LRRC49: variants seen among roughly 807,000 people sequenced by gnomAD.
LRRC49 encodes leucine rich repeat containing 49, also known as leucine-rich repeat-containing protein 49.
A neutral mutation model predicts 83.3 loss-of-function variants in LRRC49; 50 were observed. The ratio of observed to expected loss-of-function variants is 0.60; its 90% CI spans 0.48 to 0.76. The LOEUF is 0.76. Among genes scored for constraint, LRRC49 ranks in the 30% least tolerant of loss-of-function variants. LRRC49 has a pLI of 0.00. For missense variants in LRRC49, 704 were observed against 809.1 expected, an observed-to-expected ratio of 0.87 and a Z score of 1.58; for synonymous variants, 286 against 283.3, an observed-to-expected ratio of 1.01 and a Z score of -0.10.
chr15:70,946,497 A>G (rs11072236), intron 8 of LRRC49, among the ~76,000 whole-genome samples: 151,914 of 152,294 alleles, frequency 1, 75,767 homozygotes, highest in Non-Finnish European at 1. Flanking sequence ...CATTATTTAA[A>G]GATGCTTAGG....
chr15:71,019,284 C>A (rs1246274793), intron 14 of LRRC49, among the ~76,000 whole-genome samples: 1 of 152,168 alleles, frequency 6.6e-6, no homozygotes, highest in Non-Finnish European at 1.5e-5. Context: ...CATCCTGAAG[C>A]TATCTGGCTC....
At chr15:70,900,563 T>C (rs1329542252) in intron 3 of LRRC49, 13 of 457,624 alleles carry the variant, frequency 2.8e-5, no homozygotes, top group Non-Finnish European at 4.4e-5. Flanking sequence ...GCTGTCATAG[T>C]GCTGGCCCAA....
At chr15:71,041,633 A>G (rs535201780) in intron 15 of LRRC49, among the ~76,000 whole-genome samples, 7 of 152,320 alleles carry the variant, frequency 4.6e-5, no homozygotes, top group African/African-American at 1.7e-4. Flanking sequence ...AAATGGAAAA[A>G]CATGCCATGT....
chr15:70,895,805 T>TTAACA, intron 2 of LRRC49, 44 bp from the exon 3 acceptor site: 1 of 1,237,422 alleles, frequency 8.1e-7, no homozygotes, highest in Non-Finnish European at 1.2e-6. Flanking sequence ...TGCTTGGTGT[T>TTAACA]AAATTTGTCT....
intron 2 of LRRC49, chr15:70,882,758 T>A (rs1595978908): frequency 2.5e-6 from 4 of 1,614,120 alleles, no homozygotes; most frequent in East Asian, 2.2e-5. Flanking sequence ...AGTCAAAACA[T>A]ACCCACACTA....
At chr15:70,940,932 A>C (rs866988272) in intron 8 of LRRC49, among the ~76,000 whole-genome samples, 1 of 152,008 alleles carries the variant, frequency 6.6e-6, no homozygotes, top group South Asian at 2.1e-4. Context: ...TCGCCTTCAG[A>C]CAAACATTTA....
intron 10 of LRRC49, among the ~76,000 whole-genome samples, chr15:70,982,130 T>C (rs1005414619): frequency 2.0e-5 from 3 of 152,146 alleles, no homozygotes; most frequent in African/African-American, 7.2e-5. Context: ...ACGTTTGCAT[T>C]TTCAAAGATT....
intron 11 of LRRC49, among the ~76,000 whole-genome samples, chr15:71,007,251 A>G (rs1163046778): frequency 6.6e-6 from 1 of 152,032 alleles, no homozygotes; most frequent in Non-Finnish European, 1.5e-5. Context: ...AAGATATTTA[A>G]TAATTCATTC....
In LRRC49 at chr15:71,038,367, A is replaced by G. The variant is rs947809643; in HGVS notation, c.1857+1035A>G. On this transcript the variant is annotated intron_variant, in intron 15 of 15. Transcript: ENST00000260382. ...ACCTCTTTATTCAAACCACCGTATT[A>G]TAGCTGAAAACCCAGTGTATCAGAA... 5.3e-5 allele frequency among the ~76,000 whole-genome samples: 8 copies of G among 152,256 alleles called. No homozygotes were observed. The East Asian group carries it at 1.5e-3, about 29-fold the overall frequency.
At chr15:70,869,746 C>A (rs1262879253) in intron 1 of LRRC49, among the ~76,000 whole-genome samples, 1 of 152,056 alleles carries the variant, frequency 6.6e-6, no homozygotes, top group Non-Finnish European at 1.5e-5. Flanking sequence ...ACTGTAATAC[C>A]CTTGTCCCTG....
chr15:70,986,556 G>A (rs576830076), intron 11 of LRRC49, among the ~76,000 whole-genome samples: 1 of 152,284 alleles, frequency 6.6e-6, no homozygotes, highest in African/African-American at 2.4e-5. Context: ...GGGTTTTCTA[G>A]ATATACAATC....
intron 6 of LRRC49, among the ~76,000 whole-genome samples, chr15:70,918,009 C>G (rs535347637): frequency 6.6e-6 from 1 of 152,376 alleles, no homozygotes; most frequent in East Asian, 1.9e-4. Context: ...CTTTGGGACC[C>G]TGCGGTTCCT....
intron 15 of LRRC49, among the ~76,000 whole-genome samples, chr15:71,042,106 G>T (rs2039713903): frequency 6.6e-6 from 1 of 152,146 alleles, no homozygotes; most frequent in African/African-American, 2.4e-5. Context: ...TAACACCATA[G>T]ATGCACAAAC....
intron 2 of LRRC49, among the ~76,000 whole-genome samples, chr15:70,878,099 G>C (rs2033189826): frequency 6.6e-6 from 1 of 152,214 alleles, no homozygotes; most frequent in East Asian, 1.9e-4. Context: ...CAACAAGCCA[G>C]GATCACGCCA....
intron 11 of LRRC49, among the ~76,000 whole-genome samples, chr15:70,984,951 A>T (rs1415302057): frequency 6.7e-6 from 1 of 148,618 alleles, no homozygotes; most frequent in East Asian, 2.0e-4. Flanking sequence ...CCTACAAAGG[A>T]CATGAACTCA....
chr15:71,003,348 T>C (rs988981388), intron 11 of LRRC49, among the ~76,000 whole-genome samples: 62 of 152,216 alleles, frequency 4.1e-4, no homozygotes, highest in African/African-American at 1.5e-3. Context: ...CCTGCTGTTA[T>C]ATAATTAATA....
At chr15:70,857,900 G>A (rs1302180036) in intron 1 of LRRC49, among the ~76,000 whole-genome samples, 4 of 152,174 alleles carry the variant, frequency 2.6e-5, no homozygotes, top group Non-Finnish European at 4.4e-5. Flanking sequence ...CTGCTGTTCA[G>A]TTTTCTTACC....
rs557846542 is a variant in LRRC49, at chr15:70,946,550, C to T, written c.773+9728C>T. ...TTATTGTGAATAATGCTGCAATGAA[C>T]ATGGGAGTACAGATACGTTTTCAAC... On this transcript the variant is annotated intron_variant, in intron 8 of 15. Transcript: ENST00000260382. Among the ~76,000 whole-genome samples, 9 of 152,236 alleles carry T rather than the reference C, an allele frequency of 5.9e-5. No homozygotes were observed. The East Asian group carries it at 1.7e-3, about 29-fold the overall frequency.
intron 11 of LRRC49, among the ~76,000 whole-genome samples, chr15:70,989,203 G>C (rs2037760131): frequency 6.6e-6 from 1 of 152,160 alleles, no homozygotes; most frequent in African/African-American, 2.4e-5. Flanking sequence ...GATTGGGAAA[G>C]TTCTCCTGGA....
Sources: gnomAD v4.1 joint callset for allele counts (sites outside exome capture counted in the v4.1 genomes callset) on GRCh38, gnomAD v4.1.1 for gene constraint, MANE v1.5 for transcripts, NCBI Gene and HGNC (gene_info 2026-07-23, HGNC 2026-07-21) for gene names.